Variants in LDLRAD3 observed in about 807,000 individuals in gnomAD.
LDLRAD3 encodes the protein low density lipoprotein receptor class A domain containing 3.
Under a neutral mutation model 29.4 loss-of-function variants are expected in LDLRAD3, and 20 were observed. That is an observed-to-expected ratio of 0.68 (90% confidence interval 0.48 to 0.99). The LOEUF is 0.99. LDLRAD3 is among the 50% of genes least tolerant of loss of function. The probability of loss-of-function intolerance (pLI) is 0.00; values close to 1 mark genes in which losing one functional copy is unlikely to be tolerated. For synonymous variants in LDLRAD3, 157 were observed against 192.7 expected, an observed-to-expected ratio of 0.81 and a Z score of 1.53; for missense variants, 420 against 454.3, an observed-to-expected ratio of 0.92 and a Z score of 0.69.
intron 1 of LDLRAD3, among the ~76,000 whole-genome samples, chr11:35,982,244 G>A (rs895156137): frequency 3.3e-5 from 5 of 152,070 alleles, no homozygotes; most frequent in Admixed American, 2.6e-4. Flanking sequence ...CTAGCTCCCC[G>A]TGGCTTTCTG....
intron 4 of LDLRAD3, among the ~76,000 whole-genome samples, chr11:36,118,047 T>G (rs1339586699): frequency 2.0e-5 from 3 of 152,116 alleles, no homozygotes; most frequent in Non-Finnish European, 4.4e-5. Flanking sequence ...CATTTGGAAA[T>G]GTGGATGGTG....
chr11:36,122,673 A>G (rs371704441), intron 4 of LDLRAD3, among the ~76,000 whole-genome samples: 4 of 152,132 alleles, frequency 2.6e-5, no homozygotes, highest in African/African-American at 9.7e-5. Flanking sequence ...AGTGAAGGAG[A>G]TAAACTTGTG....
chr11:36,054,657 A>G (rs1401297274), intron 2 of LDLRAD3, among the ~76,000 whole-genome samples: 1 of 152,224 alleles, frequency 6.6e-6, no homozygotes, highest in Non-Finnish European at 1.5e-5. Context: ...CTTAAAAAGA[A>G]TGAAGATGGA....
chr11:36,155,414 T>G (rs896003822), intron 4 of LDLRAD3, among the ~76,000 whole-genome samples: 2 of 152,176 alleles, frequency 1.3e-5, no homozygotes, highest in African/African-American at 4.8e-5. Context: ...AAAACTTTGT[T>G]TGGAGAGAGC....
At chr11:36,072,516 G>A (rs1852923737) in intron 2 of LDLRAD3, among the ~76,000 whole-genome samples, 1 of 152,180 alleles carries the variant, frequency 6.6e-6, no homozygotes. Flanking sequence ...TGCTCCTGTG[G>A]GAGAAGGGCT....
At chr11:36,000,018 A>G (rs76805201) in intron 1 of LDLRAD3, among the ~76,000 whole-genome samples, 2,510 of 152,262 alleles carry the variant, frequency 0.016, 60 homozygotes, top group East Asian at 0.12. Flanking sequence ...AAATTACGGT[A>G]CTACTATGAA....
intron 4 of LDLRAD3, among the ~76,000 whole-genome samples, chr11:36,218,474 C>A (rs1035769026): frequency 6.6e-6 from 1 of 152,184 alleles, no homozygotes; most frequent in Non-Finnish European, 1.5e-5. Context: ...AGACTAGAGT[C>A]CGAAGAGGCT....
At position 36,190,910 on chromosome 11, in the gene LDLRAD3, A is replaced by T. The variant is rs557837447; in HGVS notation, c.455-36175A>T. ...AAATGGTGTCAGTCTTCTCAATAACATTGGACATGAGAAGACAGTTCTGAA... is the reference window on the plus strand; with the variant it reads ...AAATGGTGTCAGTCTTCTCAATAACTTTGGACATGAGAAGACAGTTCTGAA... On this transcript the variant is annotated intron_variant, in intron 4 of 5. Coordinates refer to ENST00000315571, the MANE Select transcript of LDLRAD3 (RefSeq NM_174902.4). Among the ~76,000 whole-genome samples the T allele has an allele frequency of 6.9e-4, 105 of 152,354 alleles. 1 individual carries two copies. Among genetic ancestry groups the T allele is most frequent in the African/African-American group, 2.4e-3 (99 of 41,590 alleles).
intron 2 of LDLRAD3, among the ~76,000 whole-genome samples, chr11:36,080,767 A>G (rs1399694491): frequency 6.6e-6 from 1 of 152,216 alleles, no homozygotes; most frequent in Non-Finnish European, 1.5e-5. Context: ...AATAAAGTCC[A>G]GAGGAAACCA....
intron 1 of LDLRAD3, chr11:35,997,261 C>T (rs1851767195): frequency 2.9e-6 from 1 of 339,532 alleles, no homozygotes. Context: ...CATTGCAGCT[C>T]ACAGACTGGG....
chr11:36,098,514 TGGAACACC>T, intron 4 of LDLRAD3, 53 bp downstream of exon 4: 1 of 1,599,820 alleles, frequency 6.3e-7, no homozygotes, highest in Non-Finnish European at 8.6e-7. Context: ...ACTGCAGTAA[TGGAACACC>T]CTGAAAGGCA....
chr11:36,054,490 G>T lies in LDLRAD3; in HGVS notation c.193+18241G>T, dbSNP rs1852576754. 2.6e-5 allele frequency among the ~76,000 whole-genome samples: 4 copies of T among 152,212 alleles called. 1 individual carries two copies. The South Asian group carries it at 8.3e-4, about 32-fold the overall frequency. On this transcript the variant is annotated intron_variant, in intron 2 of 5. Transcript: ENST00000315571. ...CCCTGCATGGAACCTAGAGCATGGG[G>T]TTTTACTTTACTGAGCCTTCTTTTC...
At chr11:36,160,320 G>A (rs1360457838) in intron 4 of LDLRAD3, among the ~76,000 whole-genome samples, 3 of 152,108 alleles carry the variant, frequency 2.0e-5, no homozygotes, top group Admixed American at 6.5e-5. Context: ...GGAAAATCAC[G>A]CTCACAGAAA....
intron 4 of LDLRAD3, among the ~76,000 whole-genome samples, chr11:36,155,653 A>G (rs1854338560): frequency 6.6e-6 from 1 of 152,220 alleles, no homozygotes; most frequent in African/African-American, 2.4e-5. Context: ...ATTAAATGAG[A>G]CAATGAGAGA....
chr11:36,002,597 AG>A (rs1445401823), intron 1 of LDLRAD3, among the ~76,000 whole-genome samples: 1 of 152,200 alleles, frequency 6.6e-6, no homozygotes, highest in Admixed American at 6.5e-5. Flanking sequence ...GGGTCACACT[AG>A]GTCTTCATCA....
chr11:35,980,967 G>A (rs1851533568), intron 1 of LDLRAD3, among the ~76,000 whole-genome samples: 1 of 152,104 alleles, frequency 6.6e-6, no homozygotes, highest in African/African-American at 2.4e-5. Flanking sequence ...GCTATTATTG[G>A]GGACCCTCGG....
intron 4 of LDLRAD3, among the ~76,000 whole-genome samples, chr11:36,143,911 CCTCT>C (rs1854124534): frequency 1.8e-5 from 1 of 54,836 alleles, no homozygotes; most frequent in Non-Finnish European, 3.2e-5. Context: ...GCTCCCTCTC[CCTCT>C]CCCTCTCCCC....
At chr11:36,149,489 A>C (rs1369377338) in intron 4 of LDLRAD3, among the ~76,000 whole-genome samples, 1 of 152,192 alleles carries the variant, frequency 6.6e-6, no homozygotes, top group Non-Finnish European at 1.5e-5. Context: ...CAAATGATTC[A>C]AGAAGCACCG....
At chr11:35,973,836 A>T (rs1237578878) in intron 1 of LDLRAD3, among the ~76,000 whole-genome samples, 1 of 152,114 alleles carries the variant, frequency 6.6e-6, no homozygotes, top group Non-Finnish European at 1.5e-5. Flanking sequence ...TATACTCCCC[A>T]CCAGCACTAA....
Sources: allele counts gnomAD v4.1 joint callset (sites outside exome capture counted in the v4.1 genomes callset), GRCh38; gene constraint gnomAD v4.1.1; transcripts MANE v1.5; gene names NCBI Gene and HGNC (gene_info 2026-07-23, HGNC 2026-07-21).